Variants in ART3 observed in about 807,000 individuals in gnomAD.
ART3 encodes the protein ADP-ribosyltransferase 3 (inactive), also known as ecto-ADP-ribosyltransferase 3.
Under a neutral mutation model 48.5 loss-of-function variants are expected in ART3, and 49 were observed. That is an observed-to-expected ratio of 1.01 (90% CI 0.80 to 1.28). ART3 has a LOEUF of 1.28. Among genes scored for constraint, ART3 ranks in the 50% most tolerant of loss-of-function variants. ART3 has a pLI of 0.00. For missense variants in ART3, 438 were observed against 454.3 expected (o/e 0.96, Z 0.33); for synonymous variants, 145 against 157.2 (o/e 0.92, Z 0.58).
intron 1 of ART3, among the ~76,000 whole-genome samples, chr4:76,058,236 C>G (rs1718870959): frequency 6.6e-6 from 1 of 152,142 alleles, no homozygotes; most frequent in Non-Finnish European, 1.5e-5. Context: ...ATTACATTTT[C>G]TTAACTCAAA....
intron 1 of ART3, chr4:76,041,086 T>G (rs993079563): frequency 6.6e-6 from 1 of 152,232 alleles, no homozygotes; most frequent in Non-Finnish European, 1.5e-5. Flanking sequence ...TTTTGGGTAT[T>G]AGAGATAGAA....
At chr4:76,077,699 C>G (rs1578439492) in intron 2 of ART3, among the ~76,000 whole-genome samples, 1 of 152,064 alleles carries the variant, frequency 6.6e-6, no homozygotes, top group Non-Finnish European at 1.5e-5. Flanking sequence ...ACATGTTTCA[C>G]TTCTCTTGGG....
chr4:76,061,120 T>G (rs1004916520), intron 1 of ART3, among the ~76,000 whole-genome samples: 4 of 152,214 alleles, frequency 2.6e-5, no homozygotes, highest in Admixed American at 2.6e-4. Context: ...ACTCTCAAAT[T>G]TAAATGACTA....
intron 4 of ART3, among the ~76,000 whole-genome samples, chr4:76,098,353 T>C (rs1288914649): frequency 6.6e-6 from 1 of 152,156 alleles, no homozygotes. Context: ...TAAGACATGC[T>C]CTGGGTGGAT....
chr4:76,079,647 C>CT (rs1391007941), intron 2 of ART3, among the ~76,000 whole-genome samples: 7 of 152,018 alleles, frequency 4.6e-5, no homozygotes, highest in Non-Finnish European at 8.8e-5. Flanking sequence ...GCAAAAGAGT[C>CT]TAAGAAGAAA....
At chr4:76,019,906 G>A (rs2149366591) in intron 1 of ART3, among the ~76,000 whole-genome samples, 1 of 152,176 alleles carries the variant, frequency 6.6e-6, no homozygotes, top group East Asian at 1.9e-4. Flanking sequence ...TCTTTCATCA[G>A]CAGTGGAAGA....
At chr4:76,081,094 A>G (rs1267661276) in intron 2 of ART3, among the ~76,000 whole-genome samples, 1 of 152,226 alleles carries the variant, frequency 6.6e-6, no homozygotes, top group African/African-American at 2.4e-5. Flanking sequence ...GGTGAAGAGT[A>G]CAGTTAGGCC....
chr4:76,063,720 A>G (rs546897945), intron 1 of ART3, among the ~76,000 whole-genome samples: 7 of 152,336 alleles, frequency 4.6e-5, no homozygotes, highest in Non-Finnish European at 8.8e-5. Context: ...TAAAAGTAAT[A>G]TAAAGCCTGC....
intron 11 of ART3, among the ~76,000 whole-genome samples, chr4:76,108,295 C>G (rs1728850818): frequency 6.6e-6 from 1 of 151,844 alleles, no homozygotes; most frequent in Admixed American, 6.6e-5. Context: ...CTATTCTATA[C>G]AGGAAGTATA....
intron 10 of ART3, chr4:76,107,085 ACTGCAGGCT>A (rs1333243762): frequency 2.0e-5 from 3 of 152,136 alleles, no homozygotes; most frequent in African/African-American, 7.2e-5. Context: ...ATTTCGCCCA[ACTGCAGGCT>A]CATGTAAGTG....
At chr4:76,027,935 T>C (rs1169287149) in intron 1 of ART3, among the ~76,000 whole-genome samples, 1 of 152,038 alleles carries the variant, frequency 6.6e-6, no homozygotes, top group African/African-American at 2.4e-5. Flanking sequence ...TAGACTAAGA[T>C]GAAAATTAAA....
chr4:76,106,238 A>G, intron 10 of ART3: 1 of 985,414 alleles, frequency 1.0e-6, no homozygotes, highest in Non-Finnish European at 1.2e-6. Context: ...ATCCACTTCT[A>G]TCCTGGGCAC....
chr4:76,099,458 T>A, intron 5 of ART3: 1 of 178,090 alleles, frequency 5.6e-6, no homozygotes, highest in Non-Finnish European at 1.2e-5. Flanking sequence ...GAAATATACC[T>A]TCCTCAAATA....
intron 1 of ART3, among the ~76,000 whole-genome samples, chr4:76,063,043 AT>A (rs944488866): frequency 6.6e-5 from 10 of 152,026 alleles, no homozygotes; most frequent in African/African-American, 2.4e-4. Context: ...TGACCACTCT[AT>A]TTAATACTAT....
At chr4:76,102,241 T>G (rs1727497042) in intron 8 of ART3, among the ~76,000 whole-genome samples, 1 of 152,224 alleles carries the variant, frequency 6.6e-6, no homozygotes, top group Non-Finnish European at 1.5e-5. Context: ...CTTTTTTGTG[T>G]GTAAGGATTG....
chr4:76,025,849 C>T (rs1213576267), intron 1 of ART3, among the ~76,000 whole-genome samples: 3 of 152,030 alleles, frequency 2.0e-5, no homozygotes, highest in Non-Finnish European at 2.9e-5. Context: ...AAAGCTGCTA[C>T]GAAGATTTTT....
Position 76,098,993 on chromosome 4 carries a change from T to C in ART3, c.847+6T>C, listed in dbSNP as rs199520208. The stretch of plus-strand genomic sequence containing the variant: ...CATCTATGTCTACAACCCTGGTGAG[T>C]ATGTTCTAATTTTTAAAAATAATCT... On this transcript the variant is annotated splice_donor_region_variant and intron_variant, in intron 5 of 11. Transcript: ENST00000355810. The C allele has an allele frequency of 2.0e-4, 326 of 1,607,370 alleles. No homozygotes were observed. The highest frequency in any genetic ancestry group is 3.7e-4 in the Admixed American group (22 of 59,974).
chr4:76,015,920 C>T (rs899343353), intron 1 of ART3, among the ~76,000 whole-genome samples: 1 of 152,142 alleles, frequency 6.6e-6, no homozygotes, highest in African/African-American at 2.4e-5. Context: ...CAAGCCTGGC[C>T]TGGGATTATA....
At chr4:76,093,720 A>C (rs907571215) in intron 3 of ART3, among the ~76,000 whole-genome samples, 1 of 152,176 alleles carries the variant, frequency 6.6e-6, no homozygotes, top group African/African-American at 2.4e-5. Flanking sequence ...ACAGTATGTC[A>C]AGTTTGCTAA....
Sources: gnomAD v4.1 joint callset for allele counts (sites outside exome capture counted in the v4.1 genomes callset) on GRCh38, gnomAD v4.1.1 for gene constraint, MANE v1.5 for transcripts, NCBI Gene and HGNC (gene_info 2026-07-23, HGNC 2026-07-21) for gene names.